The following CALCOCO2 variants were observed in gnomAD, a reference collection of about 807,000 sequenced individuals.
CALCOCO2 encodes the protein calcium-binding and coiled-coil domain-containing protein 2.
In CALCOCO2, 42 loss-of-function variants were observed where a neutral mutation model predicts 62.5. That is an observed-to-expected ratio of 0.67 (90% CI 0.53 to 0.87). The LOEUF is 0.87. Among genes scored for constraint, CALCOCO2 ranks in the 40% least tolerant of loss-of-function variants. The probability of loss-of-function intolerance (pLI) is 0.00; values close to 1 mark genes in which losing one functional copy is unlikely to be tolerated. For missense variants in CALCOCO2, 456 were observed against 515.0 expected, an observed-to-expected ratio of 0.89 and a Z score of 1.11; for synonymous variants, 167 against 173.0, an observed-to-expected ratio of 0.97 and a Z score of 0.27.
Position 48,848,334 on chromosome 17 carries a change from C to T in CALCOCO2, c.296C>T (p.Pro99Leu). ...QEVQFKAYYL[P>L]KDDEYYQFCY... ...GTTGTGTTTTCAGCTTACTACCTGC[C>T]CAAGGATGATGAGTATTACCAGTTC... The change falls in exon 4 of 13, where the codon CCC becomes CTC. Residue 99 changes from proline to leucine, a missense_variant. Physicochemically the swap from Pro to Leu is moderately conservative, Grantham distance 98 (BLOSUM62 -3). Transcript: ENST00000258947. The T allele has an allele frequency of 6.2e-7, 1 of 1,613,410 alleles. No homozygotes were observed. Among genetic ancestry groups the T allele is most frequent in the African/African-American group, 1.3e-5 (1 of 74,976 alleles).
At chr17:48,860,541 G>A in intron 11 of CALCOCO2, 92 bp downstream of exon 11, 1 of 1,139,460 alleles carries the variant, frequency 8.8e-7, no homozygotes, top group Non-Finnish European at 1.3e-6. Context: ...ATTAAGACCA[G>A]TCTCATTGTT....
chr17:48,857,497 C>CTTTTTTTTTTT (rs59318856), intron 10 of CALCOCO2, among the ~76,000 whole-genome samples: 459 of 38,424 alleles, frequency 0.012, 73 homozygotes, highest in African/African-American at 0.032. Context: ...GCACCCGGCC[C>CTTTTTTTTTTT]TTTTTTTTTT....
Position 48,846,384 on chromosome 17 carries a change from G to T in CALCOCO2, c.181-1680G>T, listed in dbSNP as rs551402638. 835 of 705,094 alleles carry T rather than the reference G, an allele frequency of 1.2e-3. 6 individuals are homozygous for T. Among genetic ancestry groups the T allele is most frequent in the Non-Finnish European group, 1.6e-3 (672 of 410,588 alleles). The allele number at this position is 705,094 out of a possible 1,614,324, so 43.7% of individuals were successfully genotyped here. On this transcript the variant is annotated intron_variant, in intron 2 of 12. Transcript: ENST00000258947. ...CCAATGATGGAGCCTAAAGCAGGAAGCAGTCTGCTTTCCTTCCCTCAGTGT... is the reference window on the plus strand; with the variant it reads ...CCAATGATGGAGCCTAAAGCAGGAATCAGTCTGCTTTCCTTCCCTCAGTGT...
chr17:48,838,032 T>C (rs2039918058), intron 1 of CALCOCO2, among the ~76,000 whole-genome samples: 1 of 152,130 alleles, frequency 6.6e-6, no homozygotes, highest in Non-Finnish European at 1.5e-5. Flanking sequence ...GACACCGAGT[T>C]AACGAAGGAT....
chr17:48,864,985 A>C lies in CALCOCO2; in HGVS notation c.*1980A>C, dbSNP rs1327182471. 6.6e-6 allele frequency: 1 copy of C among 152,194 alleles called. No homozygotes were observed. Among genetic ancestry groups the C allele is most frequent in the African/African-American group, 2.4e-5 (1 of 41,446 alleles). 9.4% of individuals were successfully genotyped at this position (152,194 alleles called of 1,614,324 possible). A position where few individuals can be genotyped will look rare whatever the true frequency, so the allele number is the denominator to read the frequency against. ...CATGAATGGAGAGGAACAGTGGTGC[A>C]CATAATCCAAATCAGTGAATACCAT... On this transcript the variant is annotated 3_prime_UTR_variant, in exon 13 of 13. Transcript: ENST00000258947.
rs56948691 is a variant in CALCOCO2 at position 48,834,392 on chromosome 17, C to A, written c.-11+3314C>A. ...AAAAGGTAATGACTATGTCAGAGGC[C>A]AAATAAAGTTGCCTCTGACAGTTTG... On this transcript the variant is annotated intron_variant, in intron 1 of 12. Coordinates refer to ENST00000258947, the MANE Select transcript of CALCOCO2 (RefSeq NM_005831.5). Among the ~76,000 whole-genome samples the A allele has an allele frequency of 4.1e-3, 619 of 152,220 alleles. 2 individuals are homozygous for A. Among genetic ancestry groups the A allele is most frequent in the African/African-American group, 0.013 (556 of 41,526 alleles).
chr17:48,847,736 A>T (rs181327337), intron 2 of CALCOCO2: 261 of 181,592 alleles, frequency 1.4e-3, no homozygotes, highest in Non-Finnish European at 1.7e-3. Flanking sequence ...GCTCACTGCA[A>T]CCTCCGCCTC....
intron 4 of CALCOCO2, 64 bp downstream of exon 4, chr17:48,848,519 G>T: frequency 6.8e-7 from 1 of 1,463,794 alleles, no homozygotes; most frequent in South Asian, 1.2e-5. Flanking sequence ...GGATAGGATG[G>T]AATTTGAGTT....
intron 1 of CALCOCO2, among the ~76,000 whole-genome samples, chr17:48,837,230 G>A (rs2039906190): frequency 1.3e-5 from 2 of 152,154 alleles, no homozygotes; most frequent in South Asian, 4.1e-4. Context: ...TGCAAGCTGA[G>A]AAACCTCCCT....
intron 2 of CALCOCO2, among the ~76,000 whole-genome samples, chr17:48,843,672 T>C (rs562095357): frequency 6.6e-6 from 1 of 152,348 alleles, no homozygotes; most frequent in South Asian, 2.1e-4. Context: ...CTAAAAGGCG[T>C]GCCAACCCAC....
chr17:48,842,097 T>TGA (rs760018071), intron 2 of CALCOCO2: 5 of 365,524 alleles, frequency 1.4e-5, no homozygotes, highest in Non-Finnish European at 2.5e-5. Context: ...TAAAATAAGA[T>TGA]GGCAAATCAT....
chr17:48,852,781 C>G, intron 8 of CALCOCO2, 145 bp from the exon 9 acceptor site: 2 of 971,200 alleles, frequency 2.1e-6, no homozygotes, highest in Non-Finnish European at 3.1e-6. Flanking sequence ...TGAGATAGCT[C>G]ATGGCTTTCT....
chr17:48,856,394 G>T, intron 10 of CALCOCO2: 1 of 496,128 alleles, frequency 2.0e-6, no homozygotes. Context: ...AATTTGTTTG[G>T]CATGGCAATA....
intron 2 of CALCOCO2, among the ~76,000 whole-genome samples, chr17:48,845,750 G>T: frequency 6.9e-6 from 1 of 145,340 alleles, no homozygotes; most frequent in Admixed American, 6.8e-5. Context: ...AAAAAGAAAA[G>T]AAAAGAAAGA....
rs1271604638 is a variant in CALCOCO2, at chr17:48,849,296, A to G, written c.462A>G (p.Lys154=). Residue 154 remains lysine, a synonymous_variant, in exon 5 of 13, where the codon AAA becomes AAG. Coordinates refer to ENST00000258947, the MANE Select transcript of CALCOCO2 (RefSeq NM_005831.5). ...AGCAGCACAACAAGGAGCTTTGCAAAGAAAACCAGGAGCTGAAGGACAGCT... is the reference window on the plus strand; with the variant it reads ...AGCAGCACAACAAGGAGCTTTGCAAGGAAAACCAGGAGCTGAAGGACAGCT... ...EIEQHNKELC[K]ENQELKDSCI... 3.7e-6 allele frequency: 6 copies of G among 1,613,834 alleles called. No homozygotes were observed. The highest frequency in any genetic ancestry group is 1.7e-5 in the Admixed American group (1 of 59,998).
At chr17:48,857,973 T>TGAATAGAATAGAATAGAATA (rs1567758957) in intron 10 of CALCOCO2, among the ~76,000 whole-genome samples, 1 of 59,724 alleles carries the variant, frequency 1.7e-5, no homozygotes, top group Non-Finnish European at 4.5e-5. Context: ...CAAGACTACA[T>TGAATAGAATAGAATAGAATA]CAATAGAATA....
At chr17:48,844,366 T>C (rs1482907818) in intron 2 of CALCOCO2, among the ~76,000 whole-genome samples, 1 of 152,140 alleles carries the variant, frequency 6.6e-6, no homozygotes, top group Non-Finnish European at 1.5e-5. Context: ...AACATCGTTA[T>C]ATTTCTATTT....
At position 48,851,548 on chromosome 17, in the gene CALCOCO2, C is replaced by T. The variant is rs751737469; in HGVS notation, c.633-11C>T. 2.0e-6 allele frequency: 3 copies of T among 1,529,772 alleles called. No individual in the cohort carries two copies. The highest frequency in any genetic ancestry group is 1.8e-6 in the Non-Finnish European group (2 of 1,102,830). The allele number at this position is 1,529,772 out of a possible 1,614,324, so 94.8% of individuals were successfully genotyped here. On this transcript the variant is annotated splice_polypyrimidine_tract_variant and intron_variant, in intron 6 of 12. Coordinates refer to ENST00000258947, the MANE Select transcript of CALCOCO2 (RefSeq NM_005831.5). ...AGTGAATTTTTCACATAGTTATCTC[C>T]ACCTCTACAGACTGAAAGAACAAAA...
intron 10 of CALCOCO2, among the ~76,000 whole-genome samples, chr17:48,858,071 G>GA (rs926268415): frequency 6.9e-6 from 1 of 144,826 alleles, no homozygotes; most frequent in African/African-American, 2.5e-5. Flanking sequence ...GAATAGAATA[G>GA]AATTTTACCA....
Sources: gnomAD v4.1 joint callset for allele counts (sites outside exome capture counted in the v4.1 genomes callset) on GRCh38, gnomAD v4.1.1 for gene constraint, MANE v1.5 for transcripts, NCBI Gene and HGNC (gene_info 2026-07-23, HGNC 2026-07-21) for gene names.